The following SUPT3H variants were observed in gnomAD, a reference collection of about 807,000 sequenced individuals.
SUPT3H encodes transcription initiation protein SPT3 homolog.
In SUPT3H, 44 loss-of-function variants were observed where a neutral mutation model predicts 44.3. That is an observed-to-expected ratio of 0.99 (90% CI 0.78 to 1.28). The LOEUF (loss-of-function observed/expected upper bound fraction) is 1.28, where lower values mean the gene tolerates loss of function less well. Ranked by LOEUF, SUPT3H falls within the 50% of genes most tolerant of loss-of-function variation. The pLI, the probability that SUPT3H is intolerant of heterozygous loss-of-function variation, is 0.00. For missense variants in SUPT3H, 380 were observed against 387.1 expected, an observed-to-expected ratio of 0.98 and a Z score of 0.15; for synonymous variants, 124 against 125.6, an observed-to-expected ratio of 0.99 and a Z score of 0.09.
At chr6:45,109,089 A>G (rs926467089) in intron 2 of SUPT3H, among the ~76,000 whole-genome samples, 5 of 152,194 alleles carry the variant, frequency 3.3e-5, no homozygotes, top group Non-Finnish European at 7.4e-5. Flanking sequence ...AGACAGGAAT[A>G]GTCAAAACAC....
intron 2 of SUPT3H, among the ~76,000 whole-genome samples, chr6:45,179,781 C>G (rs1812775775): frequency 6.6e-6 from 1 of 152,186 alleles, no homozygotes; most frequent in South Asian, 2.1e-4. Flanking sequence ...TGGGCAAAAA[C>G]TGGAAGCATT....
chr6:45,201,796 T>C (rs560091293), intron 2 of SUPT3H, among the ~76,000 whole-genome samples: 2 of 152,008 alleles, frequency 1.3e-5, no homozygotes, highest in East Asian at 3.9e-4. Flanking sequence ...TAAAATAATA[T>C]GTCTTTCACA....
intron 2 of SUPT3H, among the ~76,000 whole-genome samples, chr6:45,259,139 C>T (rs987561470): frequency 6.6e-6 from 1 of 152,038 alleles, no homozygotes; most frequent in Non-Finnish European, 1.5e-5. Flanking sequence ...TACACTTTAG[C>T]ATTTGCTTGT....
At chr6:44,843,219 C>T (rs894418903) in intron 10 of SUPT3H, among the ~76,000 whole-genome samples, 11 of 152,116 alleles carry the variant, frequency 7.2e-5, no homozygotes, top group African/African-American at 2.6e-4. Context: ...TGTATACATA[C>T]ACAAAAATAG....
chr6:45,065,852 T>A lies in SUPT3H; in HGVS notation c.186+40070A>T, dbSNP rs1417229414. 2.7e-5 allele frequency among the ~76,000 whole-genome samples: 4 copies of A among 148,070 alleles called. No individual in the cohort carries two copies. The Admixed American group carries it at 2.7e-4, about 10-fold the overall frequency. On this transcript the variant is annotated intron_variant, in intron 3 of 10. Coordinates refer to ENST00000371459, the MANE Select transcript of SUPT3H (RefSeq NM_003599.4). The stretch of plus-strand genomic sequence containing the variant: ...CAACCAAAAAGAGTCCAGGACCAGA[T>A]GGATTCACAGCCGAATTCTACCAGA...
At chr6:45,338,644 T>C (rs1261039251) in intron 2 of SUPT3H, among the ~76,000 whole-genome samples, 3 of 152,152 alleles carry the variant, frequency 2.0e-5, no homozygotes, top group African/African-American at 7.2e-5. Context: ...ACTATCTTTC[T>C]CAAATAGTTA....
At chr6:45,352,676 T>G (rs1792305842) in intron 2 of SUPT3H, among the ~76,000 whole-genome samples, 1 of 152,128 alleles carries the variant, frequency 6.6e-6, no homozygotes, top group South Asian at 2.1e-4. Flanking sequence ...AGTATTCTGT[T>G]TATAAGTAGT....
At chr6:45,355,074 A>C (rs951573295) in intron 2 of SUPT3H, among the ~76,000 whole-genome samples, 7 of 151,920 alleles carry the variant, frequency 4.6e-5, no homozygotes, top group African/African-American at 1.7e-4. Context: ...ACTTGGGCTT[A>C]AGCAATCCTT....
chr6:44,833,386 A>AAAT (rs1197480726), intron 10 of SUPT3H, among the ~76,000 whole-genome samples: 2 of 152,196 alleles, frequency 1.3e-5, no homozygotes, highest in Non-Finnish European at 2.9e-5. Flanking sequence ...ACACTAAGAT[A>AAAT]AATAGACAGT....
intron 2 of SUPT3H, among the ~76,000 whole-genome samples, chr6:45,350,707 A>C (rs1166635545): frequency 6.6e-6 from 1 of 152,232 alleles, no homozygotes; most frequent in Non-Finnish European, 1.5e-5. Context: ...GGAAGCTTAT[A>C]AAACACATGA....
intron 6 of SUPT3H, among the ~76,000 whole-genome samples, chr6:44,972,566 T>C (rs1315161131): frequency 2.0e-5 from 3 of 152,202 alleles, no homozygotes; most frequent in Admixed American, 6.5e-5. Context: ...ACAGCTCTAC[T>C]AGGCAGTGCC....
chr6:44,902,944 G>A (rs902058185), intron 10 of SUPT3H, among the ~76,000 whole-genome samples: 1 of 152,144 alleles, frequency 6.6e-6, no homozygotes, highest in African/African-American at 2.4e-5. Flanking sequence ...GGTACATCAT[G>A]AAATGAAGGC....
chr6:45,358,974 T>A (rs571904762), intron 2 of SUPT3H, among the ~76,000 whole-genome samples: 127 of 152,218 alleles, frequency 8.3e-4, no homozygotes, highest in Admixed American at 3.5e-3. Context: ...TTTTTACCTA[T>A]TTTTCCCCAT....
At chr6:45,325,432 C>T (rs962824215) in intron 2 of SUPT3H, among the ~76,000 whole-genome samples, 3 of 151,822 alleles carry the variant, frequency 2.0e-5, no homozygotes, top group African/African-American at 7.2e-5. Flanking sequence ...TCAACCAATT[C>T]TAACACATTT....
At chr6:45,281,057 A>G (rs1043591730) in intron 2 of SUPT3H, among the ~76,000 whole-genome samples, 3 of 152,260 alleles carry the variant, frequency 2.0e-5, no homozygotes. Context: ...TTTCAAATTA[A>G]GCAACTTATA....
intron 10 of SUPT3H, among the ~76,000 whole-genome samples, chr6:44,869,515 C>T (rs1346664950): frequency 6.6e-6 from 1 of 151,086 alleles, no homozygotes; most frequent in Non-Finnish European, 1.5e-5. Context: ...GGTAATTACT[C>T]CTAATATGCC....
Position 45,105,909 on chromosome 6 carries a change from T to C in SUPT3H, c.186+13A>G, listed in dbSNP as rs1562469631. ...AGAGAAGAGAAACCAAATCAAATTA[T>C]ATATGCTCTTACCAGATTAATTAAC... On this transcript the variant is annotated intron_variant, in intron 3 of 10. Coordinates refer to ENST00000371459, the MANE Select transcript of SUPT3H (RefSeq NM_003599.4). 8 of 1,603,980 alleles carry C rather than the reference T, an allele frequency of 5.0e-6. No homozygotes were observed. The highest frequency in any genetic ancestry group is 2.2e-5 in the East Asian group (1 of 44,740).
At chr6:45,091,091 C>T (rs12208523) in intron 3 of SUPT3H, among the ~76,000 whole-genome samples, 27,149 of 151,736 alleles carry the variant, frequency 0.18, 3,147 homozygotes, top group Non-Finnish European at 0.26. Flanking sequence ...TATTGAATTA[C>T]CTTTGTCCAG....
chr6:45,164,467 T>C (rs1809533166), intron 2 of SUPT3H, among the ~76,000 whole-genome samples: 1 of 152,164 alleles, frequency 6.6e-6, no homozygotes, highest in South Asian at 2.1e-4. Context: ...ATTGACTGTA[T>C]TTAGCTTTTC....
Sources: allele counts gnomAD v4.1 joint callset (sites outside exome capture counted in the v4.1 genomes callset), GRCh38; gene constraint gnomAD v4.1.1; transcripts MANE v1.5; gene names NCBI Gene and HGNC (gene_info 2026-07-23, HGNC 2026-07-21).